The following SEL1L variants were observed in gnomAD, a reference collection of about 807,000 sequenced individuals.
SEL1L encodes the protein protein sel-1 homolog 1.
A neutral mutation model predicts 109.8 loss-of-function variants in SEL1L; 52 were observed. The observed-to-expected ratio is 0.47, with a 90% CI of 0.38 to 0.60. The LOEUF (loss-of-function observed/expected upper bound fraction) is 0.60, where lower values mean the gene tolerates loss of function less well. SEL1L is among the 20% of genes least tolerant of loss of function. The probability of loss-of-function intolerance (pLI) is 0.00; values close to 1 mark genes in which losing one functional copy is unlikely to be tolerated. For missense variants in SEL1L, 749 were observed against 962.2 expected, an observed-to-expected ratio of 0.78 and a Z score of 2.93; for synonymous variants, 373 against 339.6, an observed-to-expected ratio of 1.10 and a Z score of -1.08.
In SEL1L at chr14:81,533,809, G is replaced by A. The variant is rs1885434756; in HGVS notation, c.-65C>T. ...CTTCGCCTCTGCCACCACGGACTCA[G>A]CCACCACCGCCGCCTCGCCGCTGCT... is the stretch of plus-strand genomic sequence containing the variant. On this transcript the variant is annotated 5_prime_UTR_variant, in exon 1 of 21. Coordinates refer to ENST00000336735, the MANE Select transcript of SEL1L (RefSeq NM_005065.6). 9 of 1,476,274 alleles carry A rather than the reference G, an allele frequency of 6.1e-6. 1 individual carries two copies. The highest frequency in any genetic ancestry group is 7.5e-6 in the Non-Finnish European group (8 of 1,070,542). 91.4% of individuals were successfully genotyped at this position (1,476,274 alleles called of 1,614,324 possible). A position where few individuals can be genotyped will look rare whatever the true frequency, so the allele number is the denominator to read the frequency against.
chr14:81,527,672 T>C (rs773336872), intron 2 of SEL1L, 29 bp downstream of exon 2: 29 of 1,537,214 alleles, frequency 1.9e-5, no homozygotes, highest in Non-Finnish European at 2.5e-5. Context: ...AGGCAGCAAA[T>C]ACTGGCCAAT....
intron 1 of SEL1L, among the ~76,000 whole-genome samples, chr14:81,533,173 G>C (rs1256612107): frequency 2.6e-5 from 4 of 152,292 alleles, no homozygotes; most frequent in Non-Finnish European, 5.9e-5. Flanking sequence ...GAGATCAAAA[G>C]TCTTCGTTTT....
intron 18 of SEL1L, among the ~76,000 whole-genome samples, 185 bp downstream of exon 18, chr14:81,485,487 T>C (rs1364633455): frequency 1.3e-5 from 2 of 151,760 alleles, no homozygotes; most frequent in African/African-American, 2.4e-5. Context: ...GGTTTTACTA[T>C]GCTGGCCAGG....
intron 3 of SEL1L, among the ~76,000 whole-genome samples, chr14:81,522,309 C>T (rs1884942317): frequency 6.6e-6 from 1 of 152,204 alleles, no homozygotes; most frequent in Admixed American, 6.5e-5. Context: ...TCACTCAGCA[C>T]TAACCACTCA....
At chr14:81,524,126 A>G (rs182313743) in intron 3 of SEL1L, among the ~76,000 whole-genome samples, 31 of 152,278 alleles carry the variant, frequency 2.0e-4, no homozygotes, top group African/African-American at 7.5e-4. Context: ...AATCCCAGGT[A>G]ACAAATGCAG....
intron 3 of SEL1L, among the ~76,000 whole-genome samples, chr14:81,523,173 G>C (rs900383729): frequency 5.9e-5 from 9 of 152,250 alleles, no homozygotes; most frequent in African/African-American, 1.9e-4. Context: ...GATAGGACTT[G>C]GTTGCCAGGG....
At chr14:81,507,421 GT>G (rs1884283387) in intron 3 of SEL1L, among the ~76,000 whole-genome samples, 1 of 152,054 alleles carries the variant, frequency 6.6e-6, no homozygotes, top group African/African-American at 2.4e-5. Context: ...CTTTCTAGAT[GT>G]GTGGATAAGA....
chr14:81,504,056 C>G, intron 5 of SEL1L, 145 bp downstream of exon 5: 1 of 497,868 alleles, frequency 2.0e-6, no homozygotes, highest in Non-Finnish European at 3.6e-6. Context: ...CTACTAATGC[C>G]CGTAAGTTAT....
chr14:81,491,930 A>C (rs1306231154), intron 12 of SEL1L, among the ~76,000 whole-genome samples: 1 of 152,236 alleles, frequency 6.6e-6, no homozygotes, highest in Non-Finnish European at 1.5e-5. Context: ...GCACAGCATC[A>C]AGAATACATT....
rs150901119 is a variant in SEL1L at position 81,513,985 on chromosome 14, T to C, written c.341-7744A>G. Among the ~76,000 whole-genome samples the C allele has an allele frequency of 2.9e-3, 436 of 152,368 alleles. 1 individual carries two copies. The highest frequency in any genetic ancestry group is 5.4e-3 in the Non-Finnish European group (369 of 68,032). Reference sequence around the variant, plus strand: ...CTGACCCTTGCTTCCTGGGTCCTAATGCTTGTCAGACAAACTTCCTCTCGC... The same window carrying C: ...CTGACCCTTGCTTCCTGGGTCCTAACGCTTGTCAGACAAACTTCCTCTCGC... On this transcript the variant is annotated intron_variant, in intron 3 of 20. Transcript: ENST00000336735.
In SEL1L at chr14:81,513,708, G is replaced by A. The variant is rs568579966; in HGVS notation, c.341-7467C>T. Among the ~76,000 whole-genome samples the A allele has an allele frequency of 5.1e-4, 77 of 152,224 alleles. No homozygotes were observed. The Middle Eastern group carries it at 0.017, about 34-fold the overall frequency. On this transcript the variant is annotated intron_variant, in intron 3 of 20. Transcript: ENST00000336735. The stretch of plus-strand genomic sequence containing the variant: ...GTTAAAAGCGACTAGCGCGGCCGCC[G>A]GACTAAAGACACGGATGTCAGGCTT...
Position 81,477,167 on chromosome 14 carries a change from G to A in SEL1L, c.2190C>T (p.Phe730=), listed in dbSNP as rs745759986. ...AAAGCTGGTCCATATCAAGTTGGGTGAACATATCTCGAATCTTAATGAAAA... is the reference window on the plus strand; with the variant it reads ...AAAGCTGGTCCATATCAAGTTGGGTAAACATATCTCGAATCTTAATGAAAA... ...YIRETNIRDM[F]TQLDMDQLLG... is the part of the protein sequence containing the mutation. Residue 730 remains phenylalanine, a synonymous_variant, in exon 21 of 21, where the codon TTC becomes TTT. Transcript: ENST00000336735. 1.5e-5 allele frequency: 24 copies of A among 1,613,554 alleles called. No homozygotes were observed. The highest frequency in any genetic ancestry group is 3.3e-5 in the Admixed American group (2 of 59,998).
chr14:81,489,191 C>T, intron 14 of SEL1L, 61 bp downstream of exon 14: 1 of 1,443,446 alleles, frequency 6.9e-7, no homozygotes, highest in South Asian at 1.1e-5. Context: ...AATTAAGGAA[C>T]ATGTCCCTAC....
intron 16 of SEL1L, among the ~76,000 whole-genome samples, 171 bp from the exon 17 acceptor site, chr14:81,486,625 C>A (rs1444238489): frequency 1.3e-5 from 2 of 151,258 alleles, no homozygotes; most frequent in Admixed American, 6.6e-5. Context: ...TTTTCACTTA[C>A]TCTTTAGAAG....
At chr14:81,496,922 G>GT (rs2140008252) in intron 10 of SEL1L, among the ~76,000 whole-genome samples, 1 of 152,218 alleles carries the variant, frequency 6.6e-6, no homozygotes, top group East Asian at 1.9e-4. Context: ...CCAGACTTTG[G>GT]TAAGTCAAGG....
At position 81,488,455 on chromosome 14, in the gene SEL1L, A is replaced by C. The variant is rs894232332; in HGVS notation, c.1396-513T>G. On this transcript the variant is annotated intron_variant, in intron 14 of 20. Transcript: ENST00000336735. ...GAAGGCCGCAAAATGAGAACACATT[A>C]CTGTCTTTTGTGTTAGAGAATACCT... 2.0e-5 allele frequency among the ~76,000 whole-genome samples: 3 copies of C among 152,234 alleles called. No individual in the cohort carries two copies. In the South Asian group the frequency reaches 6.2e-4, roughly 31 times the overall value.
At chr14:81,520,138 G>C (rs953878399) in intron 3 of SEL1L, among the ~76,000 whole-genome samples, 2 of 152,086 alleles carry the variant, frequency 1.3e-5, no homozygotes, top group Admixed American at 1.3e-4. Context: ...AGTGTAGCTG[G>C]AACTGTACAC....
chr14:81,523,172 T>TG (rs1566626680), intron 3 of SEL1L, among the ~76,000 whole-genome samples: 2 of 152,182 alleles, frequency 1.3e-5, no homozygotes, highest in African/African-American at 4.8e-5. Context: ...GGATAGGACT[T>TG]GGTTGCCAGG....
intron 10 of SEL1L, 76 bp from the exon 11 acceptor site, chr14:81,495,213 G>T: frequency 7.5e-7 from 1 of 1,333,560 alleles, no homozygotes. Context: ...AACAAGAAAT[G>T]ATTTGGTCGT....
Sources: gnomAD v4.1 joint callset for allele counts (sites outside exome capture counted in the v4.1 genomes callset) on GRCh38, gnomAD v4.1.1 for gene constraint, MANE v1.5 for transcripts, NCBI Gene and HGNC (gene_info 2026-07-23, HGNC 2026-07-21) for gene names.